The following STOX2 variants were observed in gnomAD, a reference collection of about 807,000 sequenced individuals.
STOX2 encodes storkhead box 2, also known as storkhead-box protein 2.
A neutral mutation model predicts 60.9 loss-of-function variants in STOX2; 28 were observed. The ratio of observed to expected loss-of-function variants is 0.46; its 90% confidence interval spans 0.34 to 0.63. The LOEUF is 0.63. Ranked by LOEUF, STOX2 falls within the 30% of genes least tolerant of loss-of-function variation. STOX2 has a pLI of 0.01. For synonymous variants in STOX2, 472 were observed against 463.9 expected (o/e 1.02, Z -0.22); for missense variants, 1,024 against 1,187.7 (o/e 0.86, Z 2.03).
chr4:183,959,916 A>C (rs1161858722), intron 1 of STOX2, among the ~76,000 whole-genome samples: 1 of 152,126 alleles, frequency 6.6e-6, no homozygotes, highest in African/African-American at 2.4e-5. Flanking sequence ...AGTGTCCTTC[A>C]ATTTGCTTTT....
intron 1 of STOX2, among the ~76,000 whole-genome samples, chr4:183,872,949 C>CAGA (rs1740728393): frequency 6.6e-6 from 1 of 152,174 alleles, no homozygotes; most frequent in African/African-American, 2.4e-5. Flanking sequence ...AATGATAAGA[C>CAGA]AGAACGTTTC....
intron 1 of STOX2, among the ~76,000 whole-genome samples, chr4:183,976,007 G>A (rs1250827701): frequency 6.6e-6 from 1 of 152,138 alleles, no homozygotes; most frequent in East Asian, 1.9e-4. Context: ...ATATAAGGCA[G>A]CATTTGAAAA....
At chr4:183,818,791 G>A (rs544989088) in intron 1 of STOX2, among the ~76,000 whole-genome samples, 30 of 152,178 alleles carry the variant, frequency 2.0e-4, no homozygotes, top group African/African-American at 7.2e-4. Context: ...TCCCAGACGG[G>A]GTGGCTGCCG....
At chr4:183,897,002 C>A (rs1741352779) in intron 1 of STOX2, among the ~76,000 whole-genome samples, 1 of 152,146 alleles carries the variant, frequency 6.6e-6, no homozygotes, top group African/African-American at 2.4e-5. Flanking sequence ...TGTGGTGAGT[C>A]TTGGGTGGTC....
intron 1 of STOX2, among the ~76,000 whole-genome samples, chr4:183,934,998 C>T (rs1193576319): frequency 6.6e-6 from 1 of 152,240 alleles, no homozygotes; most frequent in Non-Finnish European, 1.5e-5. Flanking sequence ...TTTTCTGAAA[C>T]AAGAATCAAC....
chr4:183,805,770 G>A (rs558229825), intron 1 of STOX2, among the ~76,000 whole-genome samples: 2 of 152,318 alleles, frequency 1.3e-5, no homozygotes, highest in South Asian at 4.1e-4. Flanking sequence ...CCAAGATTGT[G>A]CCACTGCAGT....
chr4:183,962,987 A>C (rs77588256), intron 1 of STOX2, among the ~76,000 whole-genome samples: 2,960 of 152,348 alleles, frequency 0.019, 39 homozygotes, highest in Middle Eastern at 0.034. Flanking sequence ...GAATAAAATC[A>C]GGGTCTCTGG....
upstream of STOX2, among the ~76,000 whole-genome samples, chr4:183,900,888 A>G (rs900920205): frequency 7.2e-5 from 11 of 152,158 alleles, no homozygotes; most frequent in African/African-American, 2.4e-4. Context: ...ATTGAGGTAA[A>G]ATACACATAA....
At position 184,010,342 on chromosome 4, in the gene STOX2, G is replaced by A; in HGVS notation, c.1504G>A (p.Gly502Ser). The A allele has an allele frequency of 6.2e-7, 1 of 1,610,066 alleles. No homozygotes were observed. The highest frequency in any genetic ancestry group is 8.5e-7 in the Non-Finnish European group (1 of 1,178,148). ...GATGGATAACTCCAAAGGCCCTCTGGGTGCTTCTTCTCTAGGGACGCCGGA... is the reference window on the plus strand; with the variant it reads ...GATGGATAACTCCAAAGGCCCTCTGAGTGCTTCTTCTCTAGGGACGCCGGA... ...RSMDNSKGPL[G>S]ASSLGTPEDL... The change falls in exon 3 of 4, where the codon GGT (glycine) becomes AGT (serine). Residue 502 changes from glycine (G) to serine (S), a missense_variant. By Grantham distance (56) the Gly-to-Ser change is moderately conservative (BLOSUM62 0). Transcript: ENST00000308497. This position sits in a 1 kb window ranked among gnomAD's most constrained non-coding sequence, Gnocchi z 4.5.
intron 1 of STOX2, among the ~76,000 whole-genome samples, chr4:183,954,580 G>A (rs894340890): frequency 2.0e-5 from 3 of 151,696 alleles, no homozygotes; most frequent in Admixed American, 6.6e-5. Flanking sequence ...GAGCCACCAC[G>A]CCAAGCCCGC....
chr4:184,007,964 G>A (rs549674803), intron 2 of STOX2, among the ~76,000 whole-genome samples: 1 of 152,308 alleles, frequency 6.6e-6, no homozygotes, highest in African/African-American at 2.4e-5. Context: ...AATTGGGGTG[G>A]GGAGTGCATA....
At chr4:183,944,992 A>G (rs1424627343) in intron 1 of STOX2, among the ~76,000 whole-genome samples, 1 of 152,254 alleles carries the variant, frequency 6.6e-6, no homozygotes, top group Non-Finnish European at 1.5e-5. Flanking sequence ...ATGTAAAAAT[A>G]CCAAATATTG....
intron 1 of STOX2, among the ~76,000 whole-genome samples, chr4:183,919,138 A>G (rs1403197365): frequency 6.6e-6 from 1 of 152,220 alleles, no homozygotes; most frequent in Non-Finnish European, 1.5e-5. Context: ...TAGTCAAAGC[A>G]TAGCTTCTGG....
At chr4:183,898,932 G>A (rs974804537) in intron 1 of STOX2, among the ~76,000 whole-genome samples, 1 of 152,110 alleles carries the variant, frequency 6.6e-6, no homozygotes. Flanking sequence ...TTTACAAACC[G>A]AAGTTTTCTG....
intron 1 of STOX2, among the ~76,000 whole-genome samples, chr4:183,799,622 G>A (rs1738714887): frequency 6.6e-6 from 1 of 151,754 alleles, no homozygotes. Context: ...TCAATGGCAT[G>A]GCCGGTCTTA....
In STOX2 at chr4:184,010,042, C is replaced by T. The variant is rs746206038; in HGVS notation, c.1204C>T (p.Pro402Ser). The T allele has an allele frequency of 1.2e-6, 2 of 1,613,758 alleles. No homozygotes were observed. Among genetic ancestry groups the T allele is most frequent in the Non-Finnish European group, 1.7e-6 (2 of 1,179,808 alleles). Residue 402 changes from proline to serine, a missense_variant, in exon 3 of 4, where the codon CCT becomes TCT. Pro to Ser is a moderately conservative substitution (Grantham distance 74). Coordinates refer to ENST00000308497, the MANE Select transcript of STOX2 (RefSeq NM_020225.3). The surrounding 1 kb of genome is among the most constrained non-coding windows in gnomAD (Gnocchi z 4.5). ...PAEREYDFCD[P>S]LTRVPREGCF... Reference sequence around the variant, plus strand: ...TGAAAGAGAGTATGACTTTTGTGATCCTCTTACCAGGGTGCCCAGGGAGGG... The same window carrying T: ...TGAAAGAGAGTATGACTTTTGTGATTCTCTTACCAGGGTGCCCAGGGAGGG...
At chr4:183,822,561 A>AG (rs1236848583) in intron 1 of STOX2, among the ~76,000 whole-genome samples, 1 of 152,200 alleles carries the variant, frequency 6.6e-6, no homozygotes, top group African/African-American at 2.4e-5. Flanking sequence ...CACACACCCC[A>AG]GATCCCTCAC....
rs72693700 is a variant in STOX2, at chr4:183,840,007, C to T, written c.364+41952C>T. On this transcript the variant is annotated intron_variant, in intron 1 of 2. Coordinates refer to the STOX2 transcript ENST00000513034. ...AGGCCTGTGGTCTGTGAACACTCAG[C>T]GTGCAAGGATTTCTTTGTTTTTCAT... Among the ~76,000 whole-genome samples, 1,343 of 152,028 alleles carry T rather than the reference C, an allele frequency of 8.8e-3. 9 individuals carry two copies. Among genetic ancestry groups the T allele is most frequent in the Non-Finnish European group, 0.015 (1,011 of 67,998 alleles).
chr4:183,805,354 G>A lies in STOX2; in HGVS notation c.364+7299G>A, dbSNP rs558671385. Among the ~76,000 whole-genome samples, 29 of 152,318 alleles carry A rather than the reference G, an allele frequency of 1.9e-4. 1 individual carries two copies. The South Asian group carries it at 5.6e-3, about 29-fold the overall frequency. ...ATTTCCAACATTTCTTAATTTGGGGGAAACTAACGATATGGTCTATAGTTT... is the reference window on the plus strand; with the variant it reads ...ATTTCCAACATTTCTTAATTTGGGGAAAACTAACGATATGGTCTATAGTTT... On this transcript the variant is annotated intron_variant, in intron 1 of 2. Coordinates refer to the STOX2 transcript ENST00000513034.
Sources: allele counts gnomAD v4.1 joint callset (sites outside exome capture counted in the v4.1 genomes callset), GRCh38; gene constraint gnomAD v4.1.1; non-coding constraint Gnocchi (gnomAD v3.1); transcripts MANE v1.5; gene names NCBI Gene and HGNC (gene_info 2026-07-23, HGNC 2026-07-21).